The following ERN2 variants were observed in gnomAD, a reference collection of about 807,000 sequenced individuals.
ERN2 encodes the protein endoplasmic reticulum to nucleus signaling 2.
A neutral mutation model predicts 107.9 loss-of-function variants in ERN2; 111 were observed. That is an observed-to-expected ratio of 1.03 (90% CI 0.88 to 1.20). The LOEUF is 1.20. Among genes scored for constraint, ERN2 ranks in the 50% most tolerant of loss-of-function variants. The pLI is 0.00. For synonymous variants in ERN2, 524 were observed against 501.7 expected (o/e 1.04, Z -0.59); for missense variants, 1,225 against 1,197.9 (o/e 1.02, Z -0.33).
At chr16:23,694,339 A>AG (rs1175779354) in intron 17 of ERN2, among the ~76,000 whole-genome samples, 1 of 152,208 alleles carries the variant, frequency 6.6e-6, no homozygotes, top group Non-Finnish European at 1.5e-5. Flanking sequence ...TGTGAAGCAC[A>AG]GTGAAGATTA....
At position 23,707,108 on chromosome 16, in the gene ERN2, G is replaced by T. The variant is rs767377338; in HGVS notation, c.307-29C>A. The T allele has an allele frequency of 2.6e-6, 4 of 1,544,474 alleles. No homozygotes were observed. In the Admixed American group the frequency reaches 5.0e-5, roughly 19 times the overall value. On this transcript the variant is annotated intron_variant, in intron 4 of 21. Transcript: ENST00000256797. The stretch of plus-strand genomic sequence containing the variant: ...GGAGACGGAAAATTTACAGGAAGGA[G>T]TAAGAGCAGCAACACACAGTGCTCA...
chr16:23,692,282 A>T lies in ERN2; in HGVS notation c.2150T>A (p.Leu717His), dbSNP rs377078415. 2.5e-6 allele frequency: 4 copies of T among 1,614,128 alleles called. No homozygotes were observed. Among genetic ancestry groups the T allele is most frequent in the Non-Finnish European group, 3.4e-6 (4 of 1,180,038 alleles). Residue 717 changes from leucine (L) to histidine (H), a missense_variant, in exon 18 of 22, where the codon CTT becomes CAT. Coordinates refer to ENST00000256797, the MANE Select transcript of ERN2 (RefSeq NM_033266.4). ...FSAGCVFYYVLSGGSHPFGDS... is the reference protein window; with the variant it reads ...FSAGCVFYYVHSGGSHPFGDS... The stretch of plus-strand genomic sequence containing the variant: ...TCCAAAGGGGTGGCTGCCACCAGAA[A>T]GCACGTAGTAGAACACGCAGCCTGC...
rs139320105 is a variant in ERN2, at chr16:23,692,003, G to A, written c.2336C>T (p.Pro779Leu). 8 of 1,613,646 alleles carry A rather than the reference G, an allele frequency of 5.0e-6. No individual in the cohort carries two copies. In the African/African-American group the frequency reaches 9.3e-5, roughly 19 times the overall value. The change falls in exon 19 of 22, where the codon CCC becomes CTC. Residue 779 changes from proline (P) to leucine (L), a missense_variant. By Grantham distance (98) the Pro-to-Leu change is moderately conservative. Transcript: ENST00000256797. ...RPSAPQVLAH[P>L]FFWSRAKQLQ... ...TTGCTTGGCTCTGCTCCAAAAGAAG[G>A]GGTGGGCCAGCACCTGGGGGGCAGA... is the stretch of plus-strand genomic sequence containing the variant.
rs768166054 is a variant in ERN2 at position 23,706,779 on chromosome 16, G to A, written c.462C>T (p.Thr154=). 4.3e-6 allele frequency: 7 copies of A among 1,610,324 alleles called. No individual in the cohort carries two copies. The Admixed American group carries it at 8.5e-5, about 20-fold the overall frequency. The stretch of plus-strand genomic sequence containing the variant: ...GTGTTCGGCCAATGTAGAGGCGGGG[G>A]GTGGAGGGACCCTCTGTGGTCAGTG... ...QMTLTTEGPS[T]PRLYIGRTQY... is the part of the protein sequence containing the mutation. Residue 154 remains threonine, a synonymous_variant, in exon 6 of 22, where the codon ACC becomes ACT. Transcript: ENST00000256797.
Position 23,691,203 on chromosome 16 carries a change from A to G in ERN2, c.2501-7T>C. 6.2e-7 allele frequency: 1 copy of G among 1,613,936 alleles called. No homozygotes were observed. The highest frequency in any genetic ancestry group is 8.5e-7 in the Non-Finnish European group (1 of 1,179,928). The stretch of plus-strand genomic sequence containing the variant: ...GACCGGAACTTTCTCAGATCTGTGG[A>G]CAGGGAATTCAGTGGCAAAACCGTC... On this transcript the variant is annotated splice_polypyrimidine_tract_variant and splice_region_variant and intron_variant, in intron 20 of 21. Transcript: ENST00000256797.
intron 17 of ERN2, among the ~76,000 whole-genome samples, chr16:23,694,320 C>T (rs534329657): frequency 4.6e-5 from 7 of 152,226 alleles, no homozygotes; most frequent in African/African-American, 1.2e-4. Context: ...TTTTAAGTTG[C>T]GCAGTGGTTG....
chr16:23,690,992 C>T lies in ERN2; in HGVS notation c.2620G>A (p.Val874Ile). 1 of 1,614,194 alleles carries T rather than the reference C, an allele frequency of 6.2e-7. No individual in the cohort carries two copies. The change falls in exon 22 of 22, where the codon GTC becomes ATC. Residue 874 changes from valine (V) to isoleucine (I), a missense_variant. Val to Ile is a conservative substitution (Grantham distance 29, BLOSUM62 3). Transcript: ENST00000256797. ...AAGTACTGGACGAAGCCATCAGGGA[C>T]TTGGCCGAGTGCCTGTCGCACCTCA... ...PVEVRQALGQ[V>I]PDGFVQYFTN...
chr16:23,701,214 C>A, intron 11 of ERN2, 100 bp from the exon 12 acceptor site: 1 of 1,253,504 alleles, frequency 8.0e-7, no homozygotes, highest in South Asian at 1.5e-5. Context: ...GCTGAAGGGG[C>A]AGTGAGTGGT....
chr16:23,707,957 G>A (rs1960390276), intron 4 of ERN2, among the ~76,000 whole-genome samples: 1 of 152,190 alleles, frequency 6.6e-6, no homozygotes, highest in Admixed American at 6.5e-5. Context: ...GGACTTGTCT[G>A]GGTTATGTCT....
At position 23,691,988 on chromosome 16, in the gene ERN2, C is replaced by G. The variant is rs755036540; in HGVS notation, c.2351G>C (p.Arg784Thr). Residue 784 changes from arginine to threonine, a missense_variant, in exon 19 of 22, where the codon AGA becomes ACA. Physicochemically the swap from Arg to Thr is moderately conservative, Grantham distance 71. Transcript: ENST00000256797. The part of the protein sequence containing the change: ...QVLAHPFFWS[R>T]AKQLQFFQDV... ...CTGGAAGAACTGGAGTTGCTTGGCT[C>G]TGCTCCAAAAGAAGGGGTGGGCCAG... is the stretch of plus-strand genomic sequence containing the variant. 1.2e-6 allele frequency: 2 copies of G among 1,613,392 alleles called. No homozygotes were observed. The highest frequency in any genetic ancestry group is 1.7e-6 in the Non-Finnish European group (2 of 1,179,850).
intron 17 of ERN2, among the ~76,000 whole-genome samples, chr16:23,692,835 A>C (rs936577089): frequency 1.3e-5 from 2 of 151,632 alleles, no homozygotes; most frequent in African/African-American, 4.9e-5. Flanking sequence ...CAAGCAATCT[A>C]CCTCGGCCTG....
chr16:23,702,670 C>G lies in ERN2; in HGVS notation c.887G>C (p.Gly296Ala). The G allele has an allele frequency of 6.2e-7, 1 of 1,614,150 alleles. No individual in the cohort carries two copies. The highest frequency in any genetic ancestry group is 8.5e-7 in the Non-Finnish European group (1 of 1,179,996). ...GACCAGTGCTTTAGAGACATAGAAGCCAGTTTCATCCTTCCCCACATACAG... is the reference window on the plus strand; with the variant it reads ...GACCAGTGCTTTAGAGACATAGAAGGCAGTTTCATCCTTCCCCACATACAG... The part of the protein sequence containing the change: ...MTLYVGKDET[G>A]FYVSKALVHT... Residue 296 changes from glycine to alanine, a missense_variant, in exon 9 of 22, where the codon GGC (glycine) becomes GCC (alanine). Gly to Ala is a moderately conservative substitution (Grantham distance 60, BLOSUM62 0). Coordinates refer to ENST00000256797, the MANE Select transcript of ERN2 (RefSeq NM_033266.4).
chr16:23,711,959 AC>A (rs1247764819), intron 1 of ERN2: 2 of 384,874 alleles, frequency 5.2e-6, no homozygotes, highest in Admixed American at 5.4e-5. Flanking sequence ...GGCTGGAGCC[AC>A]CCGTACTTAC....
At chr16:23,706,081 C>A (rs1392052471) in intron 7 of ERN2, 2 of 416,868 alleles carry the variant, frequency 4.8e-6, no homozygotes, top group Non-Finnish European at 4.2e-6. Context: ...CCAGGGTTAC[C>A]CGGTTGGGGC....
rs145804498 is a variant in ERN2 at position 23,692,191 on chromosome 16, C to T, written c.2241G>A (p.Glu747=). The T allele has an allele frequency of 1.2e-6, 2 of 1,614,008 alleles. No homozygotes were observed. Among genetic ancestry groups the T allele is most frequent in the African/African-American group, 1.3e-5 (1 of 74,926 alleles). ...TGCCCAGGGCTCCCTCACCGTGGAC[C>T]TCTTCCTCCAGGTGAGCCAGACAGG... ...GAPCLAHLEE[E]VHDKVVARDL... The change falls in exon 18 of 22, where the codon GAG becomes GAA. Residue 747 remains glutamate (E), a synonymous_variant. Transcript: ENST00000256797.
At chr16:23,693,984 TTTTG>T (rs778722955) in intron 17 of ERN2, among the ~76,000 whole-genome samples, 4 of 151,366 alleles carry the variant, frequency 2.6e-5, no homozygotes, top group Non-Finnish European at 4.4e-5. Context: ...GGGCCTGGGG[TTTTG>T]TTTGTTTGTT....
intron 12 of ERN2, 70 bp downstream of exon 12, chr16:23,700,889 G>A: frequency 6.5e-7 from 1 of 1,541,298 alleles, no homozygotes; most frequent in East Asian, 2.3e-5. Context: ...GGAGAGAGTT[G>A]CTGAGTGGTC....
chr16:23,708,347 CTTTTTTTTT>C (rs747761449), intron 4 of ERN2, among the ~76,000 whole-genome samples: 13 of 54,718 alleles, frequency 2.4e-4, no homozygotes, highest in African/African-American at 5.6e-4. Flanking sequence ...TGGTGCTATT[CTTTTTTTTT>C]TTTTTTTTTT....
In ERN2 at chr16:23,701,079, G is replaced by A. The variant is rs572180599; in HGVS notation, c.1239C>T (p.Ser413=). Residue 413 remains serine (S), a synonymous_variant, in exon 12 of 22, where the codon TCC becomes TCT. Coordinates refer to ENST00000256797, the MANE Select transcript of ERN2 (RefSeq NM_033266.4). ...GAGTTTTTTCTTCTGGATGCAGCTC[G>A]GAGTCCCAAAGTTTCTCTCGGCTCA... ...LSLSREKLWD[S]ELHPEEKTPD... The A allele has an allele frequency of 2.4e-5, 39 of 1,614,114 alleles. No individual in the cohort carries two copies. Among genetic ancestry groups the A allele is most frequent in the East Asian group, 2.2e-4 (10 of 44,888 alleles).
Sources: allele counts gnomAD v4.1 joint callset (sites outside exome capture counted in the v4.1 genomes callset), GRCh38; gene constraint gnomAD v4.1.1; transcripts MANE v1.5; gene names NCBI Gene and HGNC (gene_info 2026-07-23, HGNC 2026-07-21).